CECR2: variants seen among roughly 807,000 people sequenced by gnomAD.
CECR2 encodes the protein CECR2 histone acetyl-lysine reader.
Under a neutral mutation model 154.5 loss-of-function variants are expected in CECR2, and 30 were observed. The ratio of observed to expected loss-of-function variants is 0.19; its 90% confidence interval spans 0.15 to 0.26. The LOEUF is 0.26. Among genes scored for constraint, CECR2 ranks in the 10% least tolerant of loss-of-function variants. The pLI is 1.00. For synonymous variants in CECR2, 725 were observed against 683.7 expected, an observed-to-expected ratio of 1.06 and a Z score of -0.94; for missense variants, 1,743 against 1,829.3, an observed-to-expected ratio of 0.95 and a Z score of 0.86.
At position 17,378,078 on chromosome 22, in the gene CECR2, G is replaced by A. The variant is rs1252177459; in HGVS notation, c.126+8169G>A. Among the ~76,000 whole-genome samples the A allele has an allele frequency of 2.6e-5, 4 of 151,950 alleles. No individual in the cohort carries two copies. In the South Asian group the frequency reaches 8.3e-4, roughly 32 times the overall value. ...GGCTCACTGCAACCTCCGCCCCCCG[G>A]GTTCACGCCATTCTCCTGCCTCAGC... is the stretch of plus-strand genomic sequence containing the variant. On this transcript the variant is annotated intron_variant, in intron 1 of 18. Coordinates refer to ENST00000262608, the MANE Select transcript of CECR2 (RefSeq NM_001290047.2).
intron 1 of CECR2, among the ~76,000 whole-genome samples, chr22:17,386,221 G>A (rs539407373): frequency 6.6e-6 from 1 of 152,278 alleles, no homozygotes; most frequent in South Asian, 2.1e-4. Flanking sequence ...GGTCAAAGAT[G>A]ACTTCGGAGA....
Position 17,553,916 on chromosome 22 carries a change from A to G in CECR2, c.*1076A>G, listed in dbSNP as rs910249729. 6.6e-6 allele frequency: 1 copy of G among 152,248 alleles called. No homozygotes were observed. Among genetic ancestry groups the G allele is most frequent in the Non-Finnish European group, 1.5e-5 (1 of 68,046 alleles). The allele number at this position is 152,248 out of a possible 1,614,324, so 9.4% of individuals were successfully genotyped here. On this transcript the variant is annotated 3_prime_UTR_variant, in exon 19 of 19. Transcript: ENST00000262608. ...ACTCAGGTTTGTATATTTTAGTATC[A>G]ATAAAGAATTGCACAGGTTTGAATA... is the stretch of plus-strand genomic sequence containing the variant.
intron 13 of CECR2, 43 bp downstream of exon 13, chr22:17,539,162 A>G: frequency 6.2e-7 from 1 of 1,602,402 alleles, no homozygotes; most frequent in Non-Finnish European, 8.5e-7. Context: ...ATCTGTAATC[A>G]AGAATAAAAT....
chr22:17,554,103 ACCATTTTACAGTATTAAAT>A lies in CECR2; in HGVS notation c.*1264_*1282del, dbSNP rs2056747896. The A allele has an allele frequency of 6.6e-6, 1 of 152,190 alleles. No homozygotes were observed. Among genetic ancestry groups the A allele is most frequent in the South Asian group, 2.1e-4 (1 of 4,836 alleles). 9.4% of individuals were successfully genotyped at this position (152,190 alleles called of 1,614,324 possible). A position where few individuals can be genotyped will look rare whatever the true frequency, so the allele number is the denominator to read the frequency against. On this transcript the variant is annotated 3_prime_UTR_variant, in exon 19 of 19. Transcript: ENST00000262608. The stretch of plus-strand genomic sequence containing the variant: ...TTATCTGTTGTATCTGTGATAGGAA[ACCATTTTACAGTATTAAAT>A]TACTTTATTACAGTTGTAGAGTTGA...
At chr22:17,371,469 C>G (rs8143070) in intron 1 of CECR2, among the ~76,000 whole-genome samples, 1 of 152,058 alleles carries the variant, frequency 6.6e-6, no homozygotes, top group African/African-American at 2.4e-5. Context: ...ATTCTTTAGA[C>G]AACTGTTAAT....
chr22:17,437,553 G>A (rs1235500414), intron 1 of CECR2, among the ~76,000 whole-genome samples: 1 of 152,018 alleles, frequency 6.6e-6, no homozygotes, highest in Middle Eastern at 3.4e-3. Flanking sequence ...TTTTCATTAT[G>A]TACCTCCCCA....
intron 7 of CECR2, among the ~76,000 whole-genome samples, chr22:17,509,601 T>C (rs867464908): frequency 2.0e-5 from 3 of 152,090 alleles, no homozygotes; most frequent in African/African-American, 7.2e-5. Flanking sequence ...GTTAATTTTT[T>C]AATTTTTTGT....
In CECR2 at chr22:17,549,785, T is replaced by G. The variant is rs972483633; in HGVS notation, c.4277+221T>G. Among the ~76,000 whole-genome samples, 696 of 135,144 alleles carry G rather than the reference T, an allele frequency of 5.2e-3. 21 individuals carry two copies. Among genetic ancestry groups the G allele is most frequent in the African/African-American group, 0.019 (663 of 35,016 alleles). The allele number at this position is 135,144 out of a possible 152,430, so 88.7% of individuals were successfully genotyped here. A position where few individuals can be genotyped will look rare whatever the true frequency, so the allele number is the denominator to read the frequency against. Reference sequence around the variant, plus strand: ...CCACCACACCCAGCTAACTTTTTGGTTTTTTTTTTTTTTTTTTTTTGGTGG... The same window carrying G: ...CCACCACACCCAGCTAACTTTTTGGGTTTTTTTTTTTTTTTTTTTTGGTGG... On this transcript the variant is annotated intron_variant, in intron 17 of 18. Transcript: ENST00000262608.
At chr22:17,397,687 C>T (rs560040688) in intron 1 of CECR2, among the ~76,000 whole-genome samples, 1 of 151,820 alleles carries the variant, frequency 6.6e-6, no homozygotes, top group African/African-American at 2.4e-5. Flanking sequence ...TTAGTAGAAA[C>T]GGGGTTTCAC....
intron 1 of CECR2, among the ~76,000 whole-genome samples, chr22:17,466,062 C>A (rs566381872): frequency 6.6e-6 from 1 of 152,114 alleles, no homozygotes; most frequent in Non-Finnish European, 1.5e-5. Flanking sequence ...TGCGCCATCA[C>A]GCAGGCTGGA....
At chr22:17,463,243 G>A (rs1158336541) in intron 1 of CECR2, among the ~76,000 whole-genome samples, 2 of 152,108 alleles carry the variant, frequency 1.3e-5, no homozygotes, top group Admixed American at 6.5e-5. Flanking sequence ...AGTGAGAAGC[G>A]ATGTTAGCGT....
chr22:17,390,561 C>A (rs1462009689), intron 1 of CECR2, among the ~76,000 whole-genome samples: 2 of 152,122 alleles, frequency 1.3e-5, no homozygotes, highest in African/African-American at 4.8e-5. Flanking sequence ...TGCCAGATTC[C>A]TTTTTACAAG....
At chr22:17,371,992 G>A (rs1302211475) in intron 1 of CECR2, among the ~76,000 whole-genome samples, 1 of 152,168 alleles carries the variant, frequency 6.6e-6, no homozygotes, top group Non-Finnish European at 1.5e-5. Flanking sequence ...AAATTTATAT[G>A]TATAACATGA....
intron 1 of CECR2, among the ~76,000 whole-genome samples, chr22:17,387,201 C>G (rs2063273385): frequency 1.3e-5 from 2 of 152,178 alleles, no homozygotes; most frequent in Admixed American, 6.5e-5. Flanking sequence ...AGAAAGCCTT[C>G]TTTTGTCTCA....
rs892970853 is a variant in CECR2, at chr22:17,504,758, C to G, written c.701-89C>G. Reference sequence around the variant, plus strand: ...GCCCGGCCGAGTTCCTTATTTTAGTCATGACCCACAGTAGAAACAAAATTG... The same window carrying G: ...GCCCGGCCGAGTTCCTTATTTTAGTGATGACCCACAGTAGAAACAAAATTG... On this transcript the variant is annotated intron_variant, in intron 6 of 18. Coordinates refer to ENST00000262608, the MANE Select transcript of CECR2 (RefSeq NM_001290047.2). The G allele has an allele frequency of 2.4e-6, 3 of 1,241,400 alleles. No individual in the cohort carries two copies. The African/African-American group carries it at 4.5e-5, about 19-fold the overall frequency. The allele number at this position is 1,241,400 out of a possible 1,614,324, so 76.9% of individuals were successfully genotyped here. A position where few individuals can be genotyped will look rare whatever the true frequency, so the allele number is the denominator to read the frequency against.
intron 1 of CECR2, among the ~76,000 whole-genome samples, chr22:17,421,582 T>A (rs1250165516): frequency 1.8e-5 from 2 of 113,876 alleles, no homozygotes; most frequent in Non-Finnish European, 1.6e-5. Flanking sequence ...GCCACTGCAC[T>A]CCAGCCTGGG....
At chr22:17,522,334 C>T (rs1379468978) in intron 8 of CECR2, among the ~76,000 whole-genome samples, 1 of 152,138 alleles carries the variant, frequency 6.6e-6, no homozygotes, top group Non-Finnish European at 1.5e-5. Flanking sequence ...GTTGCTGGAA[C>T]AATTAAGAAC....
chr22:17,540,384 A>G, intron 13 of CECR2, 28 bp from the exon 14 acceptor site: 3 of 1,483,654 alleles, frequency 2.0e-6, no homozygotes, highest in South Asian at 1.5e-5. Context: ...AACTATACCT[A>G]GAAGTCAATC....
At chr22:17,371,864 G>A (rs1446274037) in intron 1 of CECR2, among the ~76,000 whole-genome samples, 1 of 152,132 alleles carries the variant, frequency 6.6e-6, no homozygotes, top group Non-Finnish European at 1.5e-5. Context: ...TTAAGTACTC[G>A]CAGCATATTT....
Sources: gnomAD v4.1 joint callset for allele counts (sites outside exome capture counted in the v4.1 genomes callset) on GRCh38, gnomAD v4.1.1 for gene constraint, MANE v1.5 for transcripts, NCBI Gene and HGNC (gene_info 2026-07-23, HGNC 2026-07-21) for gene names.